The following BLTP1 variants were observed in gnomAD, a reference collection of about 807,000 sequenced individuals.
BLTP1 encodes the protein fragile site-associated protein.
At chr4:122,296,708 C>G in the BLTP1 span, among the ~76,000 whole-genome samples, 2 of 152,116 alleles carry the variant, frequency 1.3e-5, no homozygotes, top group African/African-American at 4.8e-5. Context: ...TGTACTGGTA[C>G]AAAAACAGAC....
chr4:122,276,709 G>T, the BLTP1 span: 17 of 899,178 alleles, frequency 1.9e-5, no homozygotes, highest in Non-Finnish European at 2.1e-5. Flanking sequence ...CCTTCATGCT[G>T]ACTAGGCCAA....
the BLTP1 span, among the ~76,000 whole-genome samples, chr4:122,160,335 T>C: frequency 3.3e-5 from 5 of 152,208 alleles, no homozygotes; most frequent in Non-Finnish European, 7.3e-5. Flanking sequence ...TAGCGTTCTA[T>C]TTAAATAAAT....
the BLTP1 span, chr4:122,254,131 CCT>C: frequency 7.4e-6 from 11 of 1,482,500 alleles, no homozygotes; most frequent in Admixed American, 1.8e-5. Context: ...AAAACATTAG[CCT>C]CTGTGTTAGT....
At chr4:122,353,886 A>C in the BLTP1 span, 9 of 1,614,006 alleles carry the variant, frequency 5.6e-6, no homozygotes, top group Non-Finnish European at 7.6e-6. The surrounding 1 kb of genome is among the most constrained non-coding windows in gnomAD (Gnocchi z 4.3). Context: ...ATGGTTACCA[A>C]ACCATGTGGT....
the BLTP1 span, among the ~76,000 whole-genome samples, chr4:122,198,646 C>CT: frequency 6.6e-6 from 1 of 151,978 alleles, no homozygotes; most frequent in Non-Finnish European, 1.5e-5. Context: ...TTGTGGAACT[C>CT]TTGAGTTAAG....
At chr4:122,229,778 C>T in the BLTP1 span, 1 of 958,238 alleles carries the variant, frequency 1.0e-6, no homozygotes, top group African/African-American at 1.8e-5. Flanking sequence ...TGTCCCTTTC[C>T]CATTTTTTCC....
the BLTP1 span, chr4:122,316,794 A>T: frequency 6.2e-7 from 1 of 1,613,450 alleles, no homozygotes; most frequent in Non-Finnish European, 8.5e-7. Context: ...TTAGAGGAAG[A>T]AAAATTATGA....
the BLTP1 span, chr4:122,250,968 A>C: frequency 1.0e-6 from 1 of 985,310 alleles, no homozygotes; most frequent in Non-Finnish European, 1.2e-6. Context: ...GTGTTTGCTT[A>C]TTTCAGTTAA....
the BLTP1 span, chr4:122,355,700 T>A: frequency 4.6e-6 from 6 of 1,290,532 alleles, no homozygotes; most frequent in Non-Finnish European, 6.1e-6. Context: ...ACTTTGGAAA[T>A]AATAGTTCTG....
the BLTP1 span, chr4:122,260,063 T>C: frequency 1.4e-5 from 4 of 289,018 alleles, no homozygotes; most frequent in East Asian, 7.0e-4. Context: ...GTAAACATCA[T>C]AGCCTGTACT....
At chr4:122,285,067 T>C in the BLTP1 span, among the ~76,000 whole-genome samples, 3 of 152,142 alleles carry the variant, frequency 2.0e-5, no homozygotes, top group East Asian at 3.9e-4. Flanking sequence ...CCTTCAGATA[T>C]TAGAGTCCAG....
the BLTP1 span, chr4:122,348,716 A>G: frequency 1.6e-5 from 25 of 1,576,598 alleles, no homozygotes; most frequent in Non-Finnish European, 2.2e-5. Context: ...GGGAAATACA[A>G]CGTAAGCTAT....
the BLTP1 span, chr4:122,189,929 T>A: frequency 6.4e-7 from 1 of 1,552,072 alleles, no homozygotes; most frequent in Non-Finnish European, 8.7e-7. Flanking sequence ...ATTGCCAGCA[T>A]TAACTAGGAT....
chr4:122,224,474 C>T, the BLTP1 span: 1 of 1,594,404 alleles, frequency 6.3e-7, no homozygotes, highest in South Asian at 1.1e-5. Flanking sequence ...ATACATTTTA[C>T]AGTCTCATCA....
chr4:122,266,029 C>T, the BLTP1 span, among the ~76,000 whole-genome samples: 1 of 152,008 alleles, frequency 6.6e-6, no homozygotes. Flanking sequence ...GAAAAGATCA[C>T]TAAGGTAGAA....
the BLTP1 span, chr4:122,301,184 T>A: frequency 8.3e-7 from 1 of 1,207,552 alleles, no homozygotes; most frequent in East Asian, 2.8e-5. Context: ...GCTAAAGATC[T>A]CTGTATCAGT....
the BLTP1 span, chr4:122,330,869 A>ATT: frequency 2.6e-6 from 1 of 388,058 alleles, no homozygotes; most frequent in African/African-American, 2.2e-5. Context: ...TTTTGAGTTG[A>ATT]TTTTTTTGTA....
At chr4:122,207,223 C>G in the BLTP1 span, 1 of 1,611,790 alleles carries the variant, frequency 6.2e-7, no homozygotes, top group Non-Finnish European at 8.5e-7. Context: ...GGCTGCTAAT[C>G]AACACAATTG....
chr4:122,258,648 T>A, the BLTP1 span: 1 of 1,557,166 alleles, frequency 6.4e-7, no homozygotes, highest in South Asian at 1.2e-5. Flanking sequence ...GGCTGATGTT[T>A]CATGAAAATG....
Sources: allele counts gnomAD v4.1 joint callset (sites outside exome capture counted in the v4.1 genomes callset), GRCh38; gene constraint gnomAD v4.1.1; non-coding constraint Gnocchi (gnomAD v3.1); transcripts MANE v1.5; gene names NCBI Gene and HGNC (gene_info 2026-07-23, HGNC 2026-07-21).